The following ZNF804B variants were observed in gnomAD, a reference collection of about 807,000 sequenced individuals.
ZNF804B encodes the protein zinc finger 804B.
A neutral mutation model predicts 101.4 loss-of-function variants in ZNF804B; 80 were observed. The observed-to-expected ratio is 0.79, with a 90% CI of 0.66 to 0.95. ZNF804B has a LOEUF of 0.95. Among genes scored for constraint, ZNF804B ranks in the 40% least tolerant of loss-of-function variants. ZNF804B has a pLI of 0.00. For missense variants in ZNF804B, 1,673 were observed against 1,561.9 expected (o/e 1.07, Z -1.20); for synonymous variants, 622 against 558.8 (o/e 1.11, Z -1.59).
chr7:89,157,913 G>GT (rs1791000967), intron 1 of ZNF804B, among the ~76,000 whole-genome samples: 2 of 152,084 alleles, frequency 1.3e-5, no homozygotes, highest in African/African-American at 4.8e-5. Flanking sequence ...AGTTAATACC[G>GT]TAAGTTGAGC....
chr7:89,224,759 T>TATATGA (rs373432748), intron 2 of ZNF804B, among the ~76,000 whole-genome samples: 6 of 40,888 alleles, frequency 1.5e-4, no homozygotes, highest in African/African-American at 3.0e-4. Context: ...TGTATGAGTG[T>TATATGA]GTGTGTGTGT....
intron 1 of ZNF804B, among the ~76,000 whole-genome samples, chr7:89,110,255 A>G (rs764566214): frequency 6.6e-6 from 1 of 152,232 alleles, no homozygotes; most frequent in South Asian, 2.1e-4. Flanking sequence ...ACAGTAGTTC[A>G]ATAATACTAA....
intron 1 of ZNF804B, among the ~76,000 whole-genome samples, chr7:89,205,365 C>A (rs1470677574): frequency 6.6e-6 from 1 of 152,156 alleles, no homozygotes; most frequent in Non-Finnish European, 1.5e-5. Context: ...CCAGCATTAA[C>A]CCAAAAGTTC....
At chr7:88,980,262 G>T (rs1372541551) in intron 1 of ZNF804B, among the ~76,000 whole-genome samples, 2 of 151,906 alleles carry the variant, frequency 1.3e-5, no homozygotes, top group Admixed American at 1.3e-4. Flanking sequence ...TGAATTCTCT[G>T]TCTGAAAGGT....
chr7:88,831,193 A>T (rs1791126698), intron 1 of ZNF804B, among the ~76,000 whole-genome samples: 1 of 151,928 alleles, frequency 6.6e-6, no homozygotes, highest in Non-Finnish European at 1.5e-5. Context: ...GAAACAAACA[A>T]ACCTTACAGT....
chr7:89,271,099 C>G (rs955537116), intron 2 of ZNF804B, among the ~76,000 whole-genome samples: 1 of 152,168 alleles, frequency 6.6e-6, no homozygotes, highest in African/African-American at 2.4e-5. Context: ...ACTTCCAACA[C>G]TATGTTGAAC....
intron 1 of ZNF804B, among the ~76,000 whole-genome samples, chr7:88,877,024 AT>A (rs1432239904): frequency 1.5e-5 from 1 of 67,654 alleles, no homozygotes; most frequent in African/African-American, 9.5e-5. Flanking sequence ...ATATATATAT[AT>A]AATATATATA....
At chr7:89,092,577 T>C (rs1789910304) in intron 1 of ZNF804B, among the ~76,000 whole-genome samples, 1 of 151,932 alleles carries the variant, frequency 6.6e-6, no homozygotes, top group Non-Finnish European at 1.5e-5. Context: ...CATGCCCAGC[T>C]AATTTGTGCA....
At chr7:88,953,144 T>C (rs1053641067) in intron 1 of ZNF804B, among the ~76,000 whole-genome samples, 5 of 151,786 alleles carry the variant, frequency 3.3e-5, no homozygotes, top group Non-Finnish European at 7.4e-5. Flanking sequence ...TTGAAACTTA[T>C]GGAGACCTAA....
intron 2 of ZNF804B, among the ~76,000 whole-genome samples, chr7:89,254,244 ATAAT>A (rs1346058437): frequency 1.3e-5 from 2 of 152,282 alleles, no homozygotes; most frequent in African/African-American, 4.8e-5. Context: ...ATTAGAATTA[ATAAT>A]TTAGTCATGT....
chr7:89,066,911 T>C (rs1314670054), intron 1 of ZNF804B, among the ~76,000 whole-genome samples: 2 of 152,062 alleles, frequency 1.3e-5, no homozygotes, highest in East Asian at 3.9e-4. Flanking sequence ...CTGGTTTATG[T>C]GATGTTTGTG....
At chr7:88,899,300 C>T (rs551959355) in intron 1 of ZNF804B, among the ~76,000 whole-genome samples, 2 of 152,250 alleles carry the variant, frequency 1.3e-5, no homozygotes, top group South Asian at 4.1e-4. Context: ...CCTATCAAAA[C>T]TTTCTGGGGA....
At chr7:89,028,225 TAACCC>T (rs1788780056) in intron 1 of ZNF804B, among the ~76,000 whole-genome samples, 1 of 152,186 alleles carries the variant, frequency 6.6e-6, no homozygotes, top group Admixed American at 6.5e-5. Flanking sequence ...ACAATAATCT[TAACCC>T]AATATTGGCA....
Position 89,223,606 on chromosome 7 carries a change from A to ATTATTTATTTATTTATTTAT in ZNF804B, c.249+5322_249+5341dup, listed in dbSNP as rs35199718. On this transcript the variant is annotated intron_variant, in intron 2 of 3. Transcript: ENST00000333190. ...TTCTATAATTTGAATAAAAATTAAG[A>ATTATTTATTTATTTATTTAT]TTATTTATTTATTTATTTATTTATT... is the stretch of plus-strand genomic sequence containing the variant. Among the ~76,000 whole-genome samples the ATTATTTATTTATTTATTTAT allele has an allele frequency of 3.7e-3, 536 of 146,828 alleles. 5 individuals are homozygous for ATTATTTATTTATTTATTTAT. Among genetic ancestry groups the ATTATTTATTTATTTATTTAT allele is most frequent in the African/African-American group, 0.012 (464 of 40,184 alleles).
chr7:89,298,108 A>G (rs1790411335), intron 2 of ZNF804B, among the ~76,000 whole-genome samples: 1 of 128,814 alleles, frequency 7.8e-6, no homozygotes, highest in South Asian at 2.5e-4. Flanking sequence ...GAGTTGACAA[A>G]GGCCTCTATT....
chr7:88,925,558 G>T (rs1274312439), intron 1 of ZNF804B, among the ~76,000 whole-genome samples: 1 of 152,158 alleles, frequency 6.6e-6, no homozygotes, highest in East Asian at 1.9e-4. Flanking sequence ...TCATCTGCAA[G>T]CCATGGAGAG....
intron 1 of ZNF804B, among the ~76,000 whole-genome samples, chr7:88,975,823 G>A (rs1793608675): frequency 6.6e-6 from 1 of 151,398 alleles, no homozygotes; most frequent in Non-Finnish European, 1.5e-5. Context: ...ACAAAGTTGA[G>A]TAATACCCCC....
At chr7:89,007,446 T>TTTTATA (rs1457924197) in intron 1 of ZNF804B, among the ~76,000 whole-genome samples, 1 of 57,198 alleles carries the variant, frequency 1.7e-5, no homozygotes, top group East Asian at 8.1e-4. Flanking sequence ...ATCCATGATT[T>TTTTATA]TATATATATA....
intron 3 of ZNF804B, among the ~76,000 whole-genome samples, chr7:89,331,822 T>C (rs2115992986): frequency 6.6e-6 from 1 of 151,546 alleles, no homozygotes; most frequent in Admixed American, 6.6e-5. Context: ...CTAAAGGATA[T>C]ATTCAGGAGA....
Sources: allele counts gnomAD v4.1 joint callset (sites outside exome capture counted in the v4.1 genomes callset), GRCh38; gene constraint gnomAD v4.1.1; transcripts MANE v1.5; gene names NCBI Gene and HGNC (gene_info 2026-07-23, HGNC 2026-07-21).